The following DLGAP1 variants were observed in gnomAD, a reference collection of about 807,000 sequenced individuals.
The protein encoded by DLGAP1 is DLG associated protein 1.
DLGAP1 carries 11 observed loss-of-function variants against 90.8 expected under a neutral mutation model. The ratio of observed to expected loss-of-function variants is 0.12; its 90% CI spans 0.08 to 0.20. DLGAP1 has a LOEUF of 0.20. Among genes scored for constraint, DLGAP1 ranks in the 10% least tolerant of loss-of-function variants. DLGAP1 has a pLI of 1.00. For missense variants in DLGAP1, 1,050 were observed against 1,333.8 expected, an observed-to-expected ratio of 0.79 and a Z score of 3.31; for synonymous variants, 558 against 540.7, an observed-to-expected ratio of 1.03 and a Z score of -0.44.
chr18:3,655,197 C>G (rs1249695339), intron 7 of DLGAP1, among the ~76,000 whole-genome samples: 2 of 152,112 alleles, frequency 1.3e-5, no homozygotes, highest in Non-Finnish European at 2.9e-5. Flanking sequence ...CATGCAGCCT[C>G]CCCTGATTAA....
rs1450295926 is a variant in DLGAP1, at chr18:3,615,462, A to T, written c.1592-33214T>A. Among the ~76,000 whole-genome samples, 7 of 152,316 alleles carry T rather than the reference A, an allele frequency of 4.6e-5. No homozygotes were observed. The South Asian group carries it at 1.2e-3, about 27-fold the overall frequency. On this transcript the variant is annotated intron_variant, in intron 7 of 12. Transcript: ENST00000315677. ...TTCCAGCAGGGAGGAAAACTGGGTC[A>T]CAAGAAGATAATCTCAGGGGTTGCT...
At chr18:3,550,889 C>CTG in intron 9 of DLGAP1, among the ~76,000 whole-genome samples, 1 of 151,708 alleles carries the variant, frequency 6.6e-6, no homozygotes, top group Admixed American at 6.6e-5. Context: ...TTACAGGGGC[C>CTG]CACCACCACG....
intron 3 of DLGAP1, among the ~76,000 whole-genome samples, chr18:3,944,388 C>T (rs959607840): frequency 2.6e-5 from 4 of 152,134 alleles, no homozygotes; most frequent in Admixed American, 1.3e-4. Flanking sequence ...CCTAGCTACT[C>T]AGGAGGCTAA....
chr18:4,263,418 AT>A (rs1316745975), intron 1 of DLGAP1, among the ~76,000 whole-genome samples: 4 of 152,200 alleles, frequency 2.6e-5, no homozygotes, highest in Admixed American at 6.5e-5. Flanking sequence ...ATGAATTCTT[AT>A]TAAAATTTGT....
In DLGAP1 at chr18:3,681,144, G is replaced by A. The variant is rs1032010106; in HGVS notation, c.1591+47991C>T. Among the ~76,000 whole-genome samples the A allele has an allele frequency of 4.6e-5, 7 of 152,192 alleles. No individual in the cohort carries two copies. The East Asian group carries it at 1.2e-3, about 25-fold the overall frequency. ...CAATGACTGTTTCCAACACTAGAGT[G>A]GGGCTATGAATTGGCATCATCCTAG... On this transcript the variant is annotated intron_variant, in intron 7 of 12. Transcript: ENST00000315677.
intron 7 of DLGAP1, among the ~76,000 whole-genome samples, chr18:3,718,549 C>T (rs1395330837): frequency 6.6e-6 from 1 of 152,130 alleles, no homozygotes; most frequent in African/African-American, 2.4e-5. Flanking sequence ...CCGCCTTGCC[C>T]AAAACCCCCA....
At chr18:3,788,152 AG>A (rs1032929546) in intron 5 of DLGAP1, among the ~76,000 whole-genome samples, 6 of 152,218 alleles carry the variant, frequency 3.9e-5, no homozygotes, top group African/African-American at 1.2e-4. Context: ...CCCTAAGAAG[AG>A]GGGTATACAA....
chr18:3,767,024 A>G (rs2064278749), intron 5 of DLGAP1, among the ~76,000 whole-genome samples: 1 of 152,140 alleles, frequency 6.6e-6, no homozygotes, highest in African/African-American at 2.4e-5. Context: ...TTTTTGCACA[A>G]GCCTGACAAA....
At chr18:3,601,702 G>A (rs184880804) in intron 7 of DLGAP1, among the ~76,000 whole-genome samples, 156 of 152,026 alleles carry the variant, frequency 1.0e-3, no homozygotes, top group Non-Finnish European at 2.0e-3. Flanking sequence ...TAAATTAGCC[G>A]GTCATGGTGG....
At chr18:4,272,592 T>A (rs947799525) in intron 1 of DLGAP1, among the ~76,000 whole-genome samples, 6 of 152,170 alleles carry the variant, frequency 3.9e-5, no homozygotes, top group African/African-American at 1.2e-4. Context: ...TTCTCTGCCA[T>A]CAGCAGGCCA....
chr18:4,269,182 C>G (rs951218689), intron 1 of DLGAP1, among the ~76,000 whole-genome samples: 8 of 151,378 alleles, frequency 5.3e-5, no homozygotes, highest in African/African-American at 2.4e-5. Context: ...TAAATGTATC[C>G]AACAAACGCC....
intron 2 of DLGAP1, among the ~76,000 whole-genome samples, chr18:4,035,268 GC>G (rs1336417824): frequency 6.6e-6 from 1 of 152,130 alleles, no homozygotes; most frequent in Non-Finnish European, 1.5e-5. Flanking sequence ...GACTGCTTGA[GC>G]CTGGGAGTTC....
chr18:3,623,594 C>A (rs1375057202), intron 7 of DLGAP1, among the ~76,000 whole-genome samples: 2 of 151,904 alleles, frequency 1.3e-5, no homozygotes, highest in Admixed American at 6.6e-5. Flanking sequence ...GCGAGACCAG[C>A]CTGGCCAATG....
Position 3,600,927 on chromosome 18 carries a change from TATAGATATATAG to T in DLGAP1, c.1592-18691_1592-18680del, listed in dbSNP as rs1270943341. 4.4e-3 allele frequency among the ~76,000 whole-genome samples: 334 copies of T among 76,446 alleles called. 91 individuals carry two copies. Among genetic ancestry groups the T allele is most frequent in the Non-Finnish European group, 7.1e-3 (209 of 29,534 alleles). The allele number at this position is 76,446 out of a possible 152,430, so 50.2% of individuals were successfully genotyped here. ...AGATATATAGATAGATATAGATATA[TATAGATATATAG>T]ATAGATATATAGATATATATAGATA... On this transcript the variant is annotated intron_variant, in intron 7 of 12. Transcript: ENST00000315677.
chr18:3,935,157 T>C (rs753337922), intron 3 of DLGAP1, among the ~76,000 whole-genome samples: 2 of 150,150 alleles, frequency 1.3e-5, no homozygotes, highest in Non-Finnish European at 3.0e-5. Flanking sequence ...CTTCCATAGA[T>C]ACTAGCCATT....
chr18:3,764,712 T>G (rs548557966), intron 5 of DLGAP1, among the ~76,000 whole-genome samples: 3 of 152,362 alleles, frequency 2.0e-5, no homozygotes, highest in Non-Finnish European at 4.4e-5. Flanking sequence ...GAAAGTGAGA[T>G]GACATTTACT....
chr18:4,188,989 C>A (rs904300554), intron 1 of DLGAP1, among the ~76,000 whole-genome samples: 4 of 152,074 alleles, frequency 2.6e-5, no homozygotes, highest in African/African-American at 9.7e-5. Flanking sequence ...TGTATTTAAT[C>A]ATATTCAAAG....
intron 2 of DLGAP1, chr18:4,013,570 C>T (rs913673474): frequency 6.6e-6 from 1 of 152,356 alleles, no homozygotes; most frequent in East Asian, 1.9e-4. Context: ...ATAATAATTT[C>T]TATATGCTCC....
intron 2 of DLGAP1, among the ~76,000 whole-genome samples, chr18:4,044,859 T>C (rs1018855638): frequency 1.3e-5 from 2 of 152,172 alleles, no homozygotes; most frequent in African/African-American, 4.8e-5. Flanking sequence ...ATCCCCAGTG[T>C]TGAAGGTGCG....
Sources: gnomAD v4.1 joint callset for allele counts (sites outside exome capture counted in the v4.1 genomes callset) on GRCh38, gnomAD v4.1.1 for gene constraint, MANE v1.5 for transcripts, NCBI Gene and HGNC (gene_info 2026-07-23, HGNC 2026-07-21) for gene names.